CSMD3: variants seen among roughly 807,000 people sequenced by gnomAD.
CSMD3 encodes the protein CUB and Sushi multiple domains 3.
CSMD3 carries 177 observed loss-of-function variants against 435.2 expected under a neutral mutation model. The observed-to-expected ratio is 0.41, with a 90% CI of 0.36 to 0.46. The LOEUF (loss-of-function observed/expected upper bound fraction) is 0.46, where lower values mean the gene tolerates loss of function less well. CSMD3 is among the 20% of genes least tolerant of loss of function. The probability of loss-of-function intolerance (pLI) is 0.34; values close to 1 mark genes in which losing one functional copy is unlikely to be tolerated. For synonymous variants in CSMD3, 1,656 were observed against 1,520.5 expected (o/e 1.09, Z -2.07); for missense variants, 4,265 against 4,504.6 (o/e 0.95, Z 1.52).
intron 13 of CSMD3, among the ~76,000 whole-genome samples, chr8:112,788,197 TG>T (rs2078600756): frequency 6.6e-6 from 1 of 152,156 alleles, no homozygotes; most frequent in African/African-American, 2.4e-5. Context: ...AGGGGAAAAT[TG>T]GGAAACCTGC....
At chr8:112,946,080 T>G (rs2083601819) in intron 9 of CSMD3, among the ~76,000 whole-genome samples, 1 of 151,850 alleles carries the variant, frequency 6.6e-6, no homozygotes, top group African/African-American at 2.4e-5. Flanking sequence ...CTCATTATAT[T>G]ACTATCACAT....
chr8:112,601,543 GAGATAATCTGCAC>G (rs1265064009), intron 22 of CSMD3, among the ~76,000 whole-genome samples: 9 of 152,164 alleles, frequency 5.9e-5, no homozygotes, highest in Admixed American at 5.9e-4. Context: ...AAGAAAGTAA[GAGATAATCTGCAC>G]AGGTTTAAGG....
intron 3 of CSMD3, among the ~76,000 whole-genome samples, chr8:113,205,403 G>A (rs1383960469): frequency 6.6e-6 from 1 of 152,140 alleles, no homozygotes; most frequent in African/African-American, 2.4e-5. Flanking sequence ...CAACACGTGG[G>A]AATTCAAGAT....
intron 53 of CSMD3, among the ~76,000 whole-genome samples, chr8:112,297,003 G>T (rs1043778481): frequency 1.3e-5 from 2 of 151,608 alleles, no homozygotes; most frequent in South Asian, 2.1e-4. Context: ...AAAAAATTCT[G>T]TGAAAATTAT....
intron 6 of CSMD3, among the ~76,000 whole-genome samples, chr8:113,001,108 C>T (rs2085846538): frequency 6.6e-6 from 1 of 152,010 alleles, no homozygotes; most frequent in Admixed American, 6.6e-5. Flanking sequence ...TGCCTTCCAT[C>T]TTAATCTAGG....
At chr8:112,725,400 A>T (rs2076941922) in intron 13 of CSMD3, among the ~76,000 whole-genome samples, 1 of 151,722 alleles carries the variant, frequency 6.6e-6, no homozygotes, top group Non-Finnish European at 1.5e-5. Context: ...ACCTGTGTAG[A>T]TCTGGTAGTA....
intron 22 of CSMD3, among the ~76,000 whole-genome samples, chr8:112,596,796 T>C (rs889632562): frequency 2.0e-5 from 3 of 151,936 alleles, no homozygotes; most frequent in Admixed American, 2.0e-4. Context: ...AAGGCAGAAA[T>C]AAAGATGTTC....
chr8:112,311,193 TTTAA>T (rs1821950807), intron 49 of CSMD3, 27 bp from the exon 50 acceptor site: 4 of 1,577,478 alleles, frequency 2.5e-6, no homozygotes, highest in Non-Finnish European at 2.6e-6. Context: ...AAAAATGCTG[TTTAA>T]TTAATGAATC....
At chr8:113,107,272 C>T (rs1277663177) in intron 4 of CSMD3, among the ~76,000 whole-genome samples, 1 of 152,208 alleles carries the variant, frequency 6.6e-6, no homozygotes, top group Admixed American at 6.5e-5. Flanking sequence ...AACGGCATTA[C>T]ACAATATGCC....
chr8:112,282,871 C>G (rs1190713421), intron 58 of CSMD3, among the ~76,000 whole-genome samples: 1 of 152,018 alleles, frequency 6.6e-6, no homozygotes, highest in Non-Finnish European at 1.5e-5. Context: ...GTGAATAAAC[C>G]TGCATTTACA....
At chr8:112,831,031 C>T (rs2079856355) in intron 11 of CSMD3, among the ~76,000 whole-genome samples, 1 of 152,042 alleles carries the variant, frequency 6.6e-6, no homozygotes, top group South Asian at 2.1e-4. Flanking sequence ...TCGTGATCCG[C>T]CCACCTCGGC....
intron 27 of CSMD3, among the ~76,000 whole-genome samples, chr8:112,525,678 G>A (rs1435057627): frequency 6.8e-6 from 1 of 147,216 alleles, no homozygotes; most frequent in Non-Finnish European, 1.5e-5. Context: ...CCAAGATCTC[G>A]CCACTGCACT....
chr8:112,653,353 G>A (rs958196341), intron 18 of CSMD3, among the ~76,000 whole-genome samples: 2 of 151,868 alleles, frequency 1.3e-5, no homozygotes, highest in African/African-American at 4.8e-5. Context: ...CATAAATTGT[G>A]CATTCTTTTA....
intron 5 of CSMD3, among the ~76,000 whole-genome samples, chr8:113,035,387 T>C (rs527704002): frequency 6.6e-6 from 1 of 152,078 alleles, no homozygotes; most frequent in South Asian, 2.1e-4. Flanking sequence ...AAGATCCATA[T>C]ACTGTATACT....
chr8:113,193,195 C>A (rs1350442456), intron 3 of CSMD3, among the ~76,000 whole-genome samples: 1 of 150,794 alleles, frequency 6.6e-6, no homozygotes, highest in South Asian at 2.1e-4. Context: ...TCGTATTGTG[C>A]CTCTCTTTTC....
intron 30 of CSMD3, 56 bp downstream of exon 30, chr8:112,503,733 CT>C: frequency 3.2e-6 from 4 of 1,268,512 alleles, no homozygotes; most frequent in Non-Finnish European, 4.5e-6. Flanking sequence ...AATTATTCTC[CT>C]GTATAAAATA....
chr8:113,301,216 TTTAG>T (rs2093763878), intron 2 of CSMD3, among the ~76,000 whole-genome samples: 1 of 152,084 alleles, frequency 6.6e-6, no homozygotes, highest in Non-Finnish European at 1.5e-5. Context: ...AGCATCCTTG[TTTAG>T]TGGTAGGCTT....
chr8:113,004,401 T>C (rs1403507495), intron 6 of CSMD3, among the ~76,000 whole-genome samples: 7 of 152,034 alleles, frequency 4.6e-5, no homozygotes, highest in Non-Finnish European at 8.8e-5. Context: ...TGCAAGGTCA[T>C]CTACACACAC....
chr8:112,230,544 T>C lies in CSMD3; in HGVS notation c.10828+1001A>G, dbSNP rs369501258. 2.4e-3 allele frequency among the ~76,000 whole-genome samples: 358 copies of C among 152,314 alleles called. 2 individuals are homozygous for C. The highest frequency in any genetic ancestry group is 8.2e-3 in the African/African-American group (339 of 41,576). On this transcript the variant is annotated intron_variant, in intron 69 of 70. Coordinates refer to ENST00000297405, the MANE Select transcript of CSMD3 (RefSeq NM_198123.2). ...TGGCTCACACCTGTAATCCCAGCAC[T>C]TGGGGAGGCCAAGGCGGGCGGATCA...
Sources: gnomAD v4.1 joint callset for allele counts (sites outside exome capture counted in the v4.1 genomes callset) on GRCh38, gnomAD v4.1.1 for gene constraint, MANE v1.5 for transcripts, NCBI Gene and HGNC (gene_info 2026-07-23, HGNC 2026-07-21) for gene names.